Variants in TBC1D5 observed in about 807,000 individuals in gnomAD.
The protein encoded by TBC1D5 is TBC1 domain family member 5, also known as TBC1 domain family, member 5.
TBC1D5 carries 75 observed loss-of-function variants against 100.3 expected under a neutral mutation model. The observed-to-expected ratio is 0.75, with a 90% CI of 0.62 to 0.91. TBC1D5 has a LOEUF of 0.91. Among genes scored for constraint, TBC1D5 ranks in the 40% least tolerant of loss-of-function variants. TBC1D5 has a pLI of 0.00. For missense variants in TBC1D5, 910 were observed against 942.4 expected (o/e 0.97, Z 0.45); for synonymous variants, 323 against 325.6 (o/e 0.99, Z 0.09).
intron 4 of TBC1D5, among the ~76,000 whole-genome samples, chr3:17,412,619 C>T (rs950702308): frequency 6.6e-6 from 1 of 152,000 alleles, no homozygotes; most frequent in African/African-American, 2.4e-5. Flanking sequence ...AAAAAATATA[C>T]TTACAATGTG....
chr3:17,706,115 G>A (rs2074122835), intron 1 of TBC1D5: 12 of 1,605,966 alleles, frequency 7.5e-6, no homozygotes, highest in Non-Finnish European at 1.0e-5. Flanking sequence ...CGAAGGTGAA[G>A]TCCAGCAAGT....
At chr3:17,497,149 A>G (rs1379386978) in intron 3 of TBC1D5, among the ~76,000 whole-genome samples, 3 of 150,140 alleles carry the variant, frequency 2.0e-5, no homozygotes, top group Non-Finnish European at 4.4e-5. Flanking sequence ...ATCCTTGTAT[A>G]TCTGCATATC....
At chr3:17,238,185 G>A in exon 17 of TBC1D5, 2 of 1,613,920 alleles carry the variant, frequency 1.2e-6, no homozygotes, top group Non-Finnish European at 1.7e-6. Context: ...GCACAGGCAT[G>A]CTTTCTGATT....
chr3:17,410,102 G>C (rs2093882756), intron 4 of TBC1D5, among the ~76,000 whole-genome samples: 1 of 152,104 alleles, frequency 6.6e-6, no homozygotes, highest in African/African-American at 2.4e-5. Flanking sequence ...TCTTGTTACA[G>C]GATAATGCAG....
At chr3:17,194,215 C>T (rs2125682879) in intron 18 of TBC1D5, among the ~76,000 whole-genome samples, 2 of 152,286 alleles carry the variant, frequency 1.3e-5, no homozygotes, top group Middle Eastern at 3.4e-3. Flanking sequence ...CTCTTCCCGT[C>T]ATTCTAGGAA....
At chr3:17,196,974 T>G (rs1186698507) in intron 18 of TBC1D5, among the ~76,000 whole-genome samples, 1 of 152,156 alleles carries the variant, frequency 6.6e-6, no homozygotes, top group Non-Finnish European at 1.5e-5. Flanking sequence ...TGCAGAAAAC[T>G]CCACATAGAT....
At chr3:17,400,694 T>C (rs778746934) in intron 8 of TBC1D5, among the ~76,000 whole-genome samples, 19 of 152,098 alleles carry the variant, frequency 1.2e-4, no homozygotes, top group Non-Finnish European at 2.5e-4. Flanking sequence ...CCATCCTCAC[T>C]CTGGATGGGC....
chr3:17,215,421 G>T (rs1337078385), intron 17 of TBC1D5, among the ~76,000 whole-genome samples: 1 of 152,150 alleles, frequency 6.6e-6, no homozygotes, highest in African/African-American at 2.4e-5. Context: ...TAAGCAAGAA[G>T]AATGATGGAG....
At chr3:17,294,853 G>A (rs2082095684) in intron 14 of TBC1D5, among the ~76,000 whole-genome samples, 2 of 152,126 alleles carry the variant, frequency 1.3e-5, no homozygotes, top group South Asian at 4.1e-4. Context: ...ATCTCCTTTT[G>A]AATAACTACA....
At chr3:17,199,266 ACAAT>A (rs763320652) in intron 18 of TBC1D5, among the ~76,000 whole-genome samples, 77 of 152,342 alleles carry the variant, frequency 5.1e-4, no homozygotes, top group South Asian at 1.9e-3. Context: ...CATTAAGAAA[ACAAT>A]CAATACCTCA....
chr3:17,291,438 T>C (rs2081729812), intron 15 of TBC1D5, among the ~76,000 whole-genome samples: 1 of 152,220 alleles, frequency 6.6e-6, no homozygotes, highest in African/African-American at 2.4e-5. Context: ...TTAATACATA[T>C]CATAATATGA....
intron 1 of TBC1D5, among the ~76,000 whole-genome samples, chr3:17,676,573 T>G (rs890616740): frequency 2.0e-5 from 3 of 152,216 alleles, no homozygotes; most frequent in Non-Finnish European, 2.9e-5. Flanking sequence ...ATGGCCATAC[T>G]GCCCAAGGTA....
intron 2 of TBC1D5, among the ~76,000 whole-genome samples, chr3:17,603,676 G>A (rs923217844): frequency 1.1e-4 from 16 of 151,984 alleles, no homozygotes; most frequent in Middle Eastern, 3.2e-3. Context: ...TGCCGGCGGC[G>A]GGGTGGAGGG....
chr3:17,346,313 T>C (rs938712966), intron 13 of TBC1D5, among the ~76,000 whole-genome samples: 16 of 152,184 alleles, frequency 1.1e-4, no homozygotes, highest in Non-Finnish European at 2.1e-4. Flanking sequence ...TAAGCAAATA[T>C]GACATACCCT....
chr3:17,457,200 C>A (rs1037129628), intron 3 of TBC1D5, among the ~76,000 whole-genome samples: 5 of 151,986 alleles, frequency 3.3e-5, no homozygotes, highest in African/African-American at 1.2e-4. Flanking sequence ...GCTTTAAGTT[C>A]TCTGAATTTC....
intron 19 of TBC1D5, among the ~76,000 whole-genome samples, chr3:17,184,231 C>T (rs1193982312): frequency 6.6e-6 from 1 of 152,104 alleles, no homozygotes; most frequent in East Asian, 1.9e-4. Context: ...ATGCATGACC[C>T]ACATGCAAAA....
At chr3:17,251,362 T>C (rs1245513656) in intron 16 of TBC1D5, among the ~76,000 whole-genome samples, 2 of 151,422 alleles carry the variant, frequency 1.3e-5, no homozygotes, top group African/African-American at 4.9e-5. Flanking sequence ...AGTTGGTGCA[T>C]TGGGGCTGTC....
At chr3:17,612,266 C>G (rs1310664025) in intron 2 of TBC1D5, among the ~76,000 whole-genome samples, 1 of 148,490 alleles carries the variant, frequency 6.7e-6, no homozygotes, top group Non-Finnish European at 1.5e-5. Context: ...TGCCACTGTA[C>G]TCCAGCCTGG....
intron 12 of TBC1D5, among the ~76,000 whole-genome samples, chr3:17,372,896 T>C (rs1289169607): frequency 6.6e-6 from 1 of 152,190 alleles, no homozygotes; most frequent in African/African-American, 2.4e-5. Flanking sequence ...TATCACCTAG[T>C]GTAGGGGTCA....
Sources: allele counts gnomAD v4.1 joint callset (sites outside exome capture counted in the v4.1 genomes callset), GRCh38; gene constraint gnomAD v4.1.1; transcripts MANE v1.5; gene names NCBI Gene and HGNC (gene_info 2026-07-23, HGNC 2026-07-21).